Variants in SUCLA2 observed in about 807,000 individuals in gnomAD.
SUCLA2 encodes succinate--CoA ligase [ADP-forming] subunit beta, mitochondrial.
SUCLA2 carries 30 observed loss-of-function variants against 54.8 expected under a neutral mutation model. The ratio of observed to expected loss-of-function variants is 0.55; its 90% CI spans 0.41 to 0.74. The LOEUF is 0.74. Ranked by LOEUF, SUCLA2 falls within the 30% of genes least tolerant of loss-of-function variation. The pLI is 0.00. For synonymous variants in SUCLA2, 172 were observed against 188.9 expected (o/e 0.91, Z 0.74); for missense variants, 476 against 562.9 (o/e 0.85, Z 1.56).
At chr13:47,949,126 G>A in intron 9 of SUCLA2, 98 bp from the exon 10 acceptor site, 1 of 1,164,646 alleles carries the variant, frequency 8.6e-7, no homozygotes, top group Non-Finnish European at 1.3e-6. Context: ...AACCTCAACA[G>A]AGGAGACTTC....
At chr13:47,988,518 G>T (rs768751798) in intron 4 of SUCLA2, 23 bp downstream of exon 4, 5 of 1,611,568 alleles carry the variant, frequency 3.1e-6, no homozygotes, top group Non-Finnish European at 4.2e-6. Flanking sequence ...TATCCCGTAT[G>T]TATCATGTCT....
chr13:47,968,223 T>A (rs905136378), intron 6 of SUCLA2, among the ~76,000 whole-genome samples: 2 of 152,156 alleles, frequency 1.3e-5, no homozygotes, highest in African/African-American at 4.8e-5. Flanking sequence ...GTAACCACAT[T>A]TGGCTATTGA....
At chr13:47,998,296 TA>T (rs58573331) in intron 1 of SUCLA2, among the ~76,000 whole-genome samples, 1,501 of 136,142 alleles carry the variant, frequency 0.011, 20 homozygotes, top group Admixed American at 0.035. Context: ...ATAAATAAGT[TA>T]AAAAAAAAAA....
chr13:47,963,253 A>G (rs1949886845), intron 6 of SUCLA2, among the ~76,000 whole-genome samples: 1 of 152,238 alleles, frequency 6.6e-6, no homozygotes, highest in Non-Finnish European at 1.5e-5. Flanking sequence ...ATGTTGAATA[A>G]GAAAATTATA....
chr13:47,973,358 A>T lies in SUCLA2; in HGVS notation c.569T>A (p.Val190Asp). Residue 190 changes from valine to aspartate, a missense_variant, in exon 5 of 11, where the codon GTC (valine) becomes GAC (aspartate). By Grantham distance (152) the Val-to-Asp change is radical (BLOSUM62 -3). This residue lies in a region of SUCLA2 where 342 missense variants were observed against 444.2 expected (regional missense o/e 0.77). Transcript: ENST00000646932. ...CTCAGCAGCAACATCTTCAATGTTG[A>T]CACCACCATGTGAACTTCCTATTAA... ...PVLIGSSHGG[V>D]NIEDVAAESP... 6.2e-7 allele frequency: 1 copy of T among 1,613,492 alleles called. No homozygotes were observed. The highest frequency in any genetic ancestry group is 1.1e-5 in the South Asian group (1 of 91,076).
chr13:47,963,154 G>T (rs9567962), intron 6 of SUCLA2, among the ~76,000 whole-genome samples: 137,981 of 152,078 alleles, frequency 0.91, 62,692 homozygotes, highest in East Asian at 0.98. Flanking sequence ...GTGATTGGCT[G>T]TCTGCGCAGC....
chr13:47,961,641 CT>C (rs1447401085), intron 6 of SUCLA2, among the ~76,000 whole-genome samples: 50 of 152,220 alleles, frequency 3.3e-4, no homozygotes, highest in African/African-American at 1.2e-3. Flanking sequence ...ATTTAACTGT[CT>C]TTGGGTTATA....
At chr13:47,978,947 A>T (rs183247229) in intron 4 of SUCLA2, among the ~76,000 whole-genome samples, 7 of 152,368 alleles carry the variant, frequency 4.6e-5, no homozygotes, top group African/African-American at 1.7e-4. Context: ...GAGAAATGCA[A>T]ATCAAAACCA....
chr13:47,949,091 T>C (rs950883763), intron 9 of SUCLA2, 63 bp from the exon 10 acceptor site: 49 of 1,521,788 alleles, frequency 3.2e-5, no homozygotes, highest in Non-Finnish European at 4.1e-5. Flanking sequence ...TTTAAAATGT[T>C]TGCCAAAACA....
intron 10 of SUCLA2, among the ~76,000 whole-genome samples, chr13:47,947,178 C>T (rs1195116682): frequency 6.6e-6 from 1 of 152,088 alleles, no homozygotes; most frequent in African/African-American, 2.4e-5. Context: ...TCACAACTTA[C>T]ATGAACTGAA....
chr13:48,000,885 C>T, intron 1 of SUCLA2: 2 of 1,279,866 alleles, frequency 1.6e-6, no homozygotes, highest in Non-Finnish European at 2.0e-6. Flanking sequence ...TCCTGACCCC[C>T]TCACCTCCAC....
chr13:47,986,400 T>C (rs1350036103), intron 4 of SUCLA2, among the ~76,000 whole-genome samples: 1 of 152,198 alleles, frequency 6.6e-6, no homozygotes, highest in Non-Finnish European at 1.5e-5. Context: ...TTGCTTTTTT[T>C]CTTGAAAATT....
In SUCLA2 at chr13:47,949,006, C is replaced by T. The variant is rs761912388; in HGVS notation, c.1251G>A (p.Lys417=). The T allele has an allele frequency of 6.8e-6, 11 of 1,613,640 alleles. No individual in the cohort carries two copies. The East Asian group carries it at 2.5e-4, about 36-fold the overall frequency. ...TAAGTCCACTGTCCGCTATCAGTGC[C>T]TTAGCATCATCGACTCGTGTACCTG... The part of the protein sequence containing the change: ...RLQGTRVDDA[K]ALIADSGLKI... The change falls in exon 10 of 11, where the codon AAG becomes AAA. Residue 417 remains lysine (K), a synonymous_variant. Transcript: ENST00000646932.
chr13:47,952,576 C>T (rs1002442300), intron 8 of SUCLA2, among the ~76,000 whole-genome samples: 1 of 152,068 alleles, frequency 6.6e-6, no homozygotes, highest in African/African-American at 2.4e-5. Context: ...ACTTAACCAA[C>T]CCTTCTATGA....
chr13:47,964,186 T>A (rs555221011), intron 6 of SUCLA2, among the ~76,000 whole-genome samples: 1 of 152,020 alleles, frequency 6.6e-6, no homozygotes, highest in Non-Finnish European at 1.5e-5. Context: ...GCATTATGTA[T>A]AGTAAAAAGG....
intron 4 of SUCLA2, among the ~76,000 whole-genome samples, chr13:47,985,475 A>G (rs1950095053): frequency 6.7e-6 from 1 of 149,346 alleles, no homozygotes; most frequent in Non-Finnish European, 1.5e-5. Flanking sequence ...CTTTTAAGTG[A>G]AAACACACGG....
At chr13:47,975,833 A>G (rs1950007682) in intron 4 of SUCLA2, among the ~76,000 whole-genome samples, 1 of 152,180 alleles carries the variant, frequency 6.6e-6, no homozygotes, top group Non-Finnish European at 1.5e-5. Flanking sequence ...TCAGGTGGGC[A>G]ATGGCCATGC....
chr13:47,954,302 T>G lies in SUCLA2; in HGVS notation c.965-20A>C, dbSNP rs376116619. 432 of 1,613,774 alleles carry G rather than the reference T, an allele frequency of 2.7e-4. No individual in the cohort carries two copies. Among genetic ancestry groups the G allele is most frequent in the Non-Finnish European group, 3.5e-4 (413 of 1,179,844 alleles). On this transcript the variant is annotated intron_variant, in intron 7 of 10. Transcript: ENST00000646932. ...CATTTACTATATAGGGGAAAATGAT[T>G]TGTATAAGCAACAAACACAGAGAAA... is the stretch of plus-strand genomic sequence containing the variant.
chr13:47,965,681 G>T (rs765194247), intron 6 of SUCLA2: 1 of 398,414 alleles, frequency 2.5e-6, no homozygotes, highest in East Asian at 3.6e-5. Context: ...AGGACAGCTG[G>T]CTACATTTGA....
Sources: allele counts gnomAD v4.1 joint callset (sites outside exome capture counted in the v4.1 genomes callset), GRCh38; gene constraint gnomAD v4.1.1; regional missense constraint gnomAD v4.1.1; transcripts MANE v1.5; gene names NCBI Gene and HGNC (gene_info 2026-07-23, HGNC 2026-07-21).